The following MXI1 variants were observed in gnomAD, a reference collection of about 807,000 sequenced individuals.
MXI1 encodes the protein MAX interactor 1, dimerization protein.
In MXI1, 18 loss-of-function variants were observed where a neutral mutation model predicts 36.9. That is an observed-to-expected ratio of 0.49 (90% CI 0.34 to 0.72). The LOEUF (loss-of-function observed/expected upper bound fraction) is 0.72, where lower values mean the gene tolerates loss of function less well. Among genes scored for constraint, MXI1 ranks in the 30% least tolerant of loss-of-function variants. MXI1 has a pLI of 0.01. For synonymous variants in MXI1, 160 were observed against 146.7 expected (o/e 1.09, Z -0.65); for missense variants, 304 against 379.1 (o/e 0.80, Z 1.64).
intron 2 of MXI1, among the ~76,000 whole-genome samples, chr10:110,237,799 CAG>C (rs1030786299): frequency 6.6e-6 from 1 of 152,148 alleles, no homozygotes; most frequent in Non-Finnish European, 1.5e-5. Context: ...TGTTTAGAGA[CAG>C]AGTCTCAACT....
At chr10:110,243,767 C>T (rs1377676940) in intron 2 of MXI1, among the ~76,000 whole-genome samples, 1 of 152,008 alleles carries the variant, frequency 6.6e-6, no homozygotes, top group East Asian at 1.9e-4. Context: ...CCTGTTAGTC[C>T]TTATAACAAT....
intron 2 of MXI1, among the ~76,000 whole-genome samples, chr10:110,229,514 C>T (rs1033459931): frequency 2.0e-5 from 3 of 152,126 alleles, no homozygotes; most frequent in Non-Finnish European, 4.4e-5. Context: ...CAGACATCAC[C>T]GAGGAAAAAC....
chr10:110,244,357 T>C (rs1454746143), intron 2 of MXI1, among the ~76,000 whole-genome samples: 1 of 152,070 alleles, frequency 6.6e-6, no homozygotes, highest in Non-Finnish European at 1.5e-5. Flanking sequence ...CCTGTATCAC[T>C]AAGCAGTAAC....
intron 1 of MXI1, among the ~76,000 whole-genome samples, chr10:110,209,552 G>C (rs1854455336): frequency 6.6e-6 from 1 of 152,188 alleles, no homozygotes; most frequent in Non-Finnish European, 1.5e-5. Context: ...TCGGTGGTGC[G>C]TTCTTTTCTT....
chr10:110,210,410 G>A, intron 1 of MXI1: 3 of 487,530 alleles, frequency 6.2e-6, no homozygotes, highest in Non-Finnish European at 8.0e-6. Context: ...CGCCGCTGCT[G>A]TTTGGCTCTA....
chr10:110,221,779 G>T (rs181258971), intron 1 of MXI1, among the ~76,000 whole-genome samples: 2 of 152,170 alleles, frequency 1.3e-5, no homozygotes, highest in African/African-American at 4.8e-5. Flanking sequence ...AGATTCAGCC[G>T]TCTCAGATAA....
intron 1 of MXI1, among the ~76,000 whole-genome samples, chr10:110,221,863 C>T (rs1854817876): frequency 6.6e-6 from 1 of 152,170 alleles, no homozygotes; most frequent in South Asian, 2.1e-4. Context: ...GCACCTGAGT[C>T]GCTTGGTGCG....
chr10:110,262,832 C>T (rs1365658887), intron 3 of MXI1, among the ~76,000 whole-genome samples: 1 of 152,080 alleles, frequency 6.6e-6, no homozygotes, highest in Non-Finnish European at 1.5e-5. Context: ...GAGTTTTTTA[C>T]ACTACCTTCA....
intron 3 of MXI1, among the ~76,000 whole-genome samples, chr10:110,274,921 C>A (rs1300343646): frequency 1.5e-5 from 2 of 137,778 alleles, no homozygotes; most frequent in Non-Finnish European, 3.0e-5. Flanking sequence ...GTCACCCAGG[C>A]TGGAGTGCAC....
At chr10:110,258,303 T>C (rs1235805766) in intron 3 of MXI1, among the ~76,000 whole-genome samples, 2 of 152,178 alleles carry the variant, frequency 1.3e-5, no homozygotes, top group Non-Finnish European at 2.9e-5. Context: ...AAGATAATTA[T>C]ATTCTTTGTA....
intron 3 of MXI1, among the ~76,000 whole-genome samples, chr10:110,276,596 A>G (rs1165235809): frequency 2.8e-5 from 4 of 144,786 alleles, no homozygotes; most frequent in Admixed American, 7.2e-5. Flanking sequence ...TCTTGAGTGT[A>G]AACTCTTAAA....
intron 3 of MXI1, among the ~76,000 whole-genome samples, chr10:110,253,937 T>G (rs1856190536): frequency 6.6e-6 from 1 of 151,936 alleles, no homozygotes; most frequent in African/African-American, 2.4e-5. Context: ...AGATCAGAAA[T>G]AAGGTTGTCA....
chr10:110,257,906 A>G, intron 3 of MXI1: 1 of 215,036 alleles, frequency 4.7e-6, no homozygotes, highest in Admixed American at 5.2e-5. Context: ...AAAAAAAATA[A>G]GGGGGGAGGT....
chr10:110,242,924 A>C (rs183190990), intron 2 of MXI1, among the ~76,000 whole-genome samples: 64 of 151,990 alleles, frequency 4.2e-4, no homozygotes, highest in African/African-American at 1.4e-3. Flanking sequence ...TTATATGTGC[A>C]TTGTCTTTTT....
intron 1 of MXI1, among the ~76,000 whole-genome samples, chr10:110,210,750 CGTT>C (rs1564702652): frequency 1.3e-5 from 2 of 152,234 alleles, no homozygotes; most frequent in Admixed American, 6.5e-5. Flanking sequence ...CGGCGCTCGT[CGTT>C]GTTTTCTGCT....
intron 2 of MXI1, among the ~76,000 whole-genome samples, chr10:110,231,372 CCT>C (rs1491259273): frequency 7.3e-4 from 110 of 150,646 alleles, no homozygotes; most frequent in African/African-American, 2.7e-3. Context: ...ACCCCCCCCC[CCT>C]CAAAAAAGTA....
chr10:110,238,203 T>G (rs749830312), intron 2 of MXI1, among the ~76,000 whole-genome samples: 1 of 152,208 alleles, frequency 6.6e-6, no homozygotes, highest in African/African-American at 2.4e-5. Context: ...TGGTTGTCAA[T>G]TCCCAGTACT....
intron 4 of MXI1, 102 bp from the exon 5 acceptor site, chr10:110,279,812 C>A: frequency 1.3e-6 from 1 of 749,178 alleles, no homozygotes; most frequent in Non-Finnish European, 2.0e-6. Flanking sequence ...TATACACACT[C>A]ACACATGTAT....
At chr10:110,277,865 TCTC>T (rs1473617963) in intron 3 of MXI1, among the ~76,000 whole-genome samples, 14 of 152,350 alleles carry the variant, frequency 9.2e-5, no homozygotes, top group Admixed American at 2.6e-4. Context: ...CTTATTGCCT[TCTC>T]CTACCTCTCT....
Sources: allele counts gnomAD v4.1 joint callset (sites outside exome capture counted in the v4.1 genomes callset), GRCh38; gene constraint gnomAD v4.1.1; transcripts MANE v1.5; gene names NCBI Gene and HGNC (gene_info 2026-07-23, HGNC 2026-07-21).